The following KIF26B variants were observed in gnomAD, a reference collection of about 807,000 sequenced individuals.
KIF26B encodes the protein kinesin-like protein KIF26B.
A neutral mutation model predicts 151.2 loss-of-function variants in KIF26B; 63 were observed. The observed-to-expected ratio is 0.42, with a 90% confidence interval of 0.34 to 0.51. KIF26B has a LOEUF of 0.51. KIF26B is among the 20% of genes least tolerant of loss of function. KIF26B has a pLI of 0.07. For missense variants in KIF26B, 2,813 were observed against 2,913.6 expected, an observed-to-expected ratio of 0.97 and a Z score of 0.79; for synonymous variants, 1,357 against 1,262.1, an observed-to-expected ratio of 1.08 and a Z score of -1.59.
chr1:245,553,897 TGTGA>T (rs1461964820), intron 5 of KIF26B, among the ~76,000 whole-genome samples: 4 of 152,194 alleles, frequency 2.6e-5, no homozygotes, highest in African/African-American at 7.2e-5. Flanking sequence ...AGAGATGTGC[TGTGA>T]GTATTTATCG....
At chr1:245,372,568 A>G (rs1251103054) in intron 3 of KIF26B, among the ~76,000 whole-genome samples, 1 of 152,104 alleles carries the variant, frequency 6.6e-6, no homozygotes, top group Non-Finnish European at 1.5e-5. Context: ...TCGTCTTTGT[A>G]GCCATGTGTT....
chr1:245,225,801 A>T (rs1291294488), intron 2 of KIF26B, among the ~76,000 whole-genome samples: 1 of 152,198 alleles, frequency 6.6e-6, no homozygotes, highest in African/African-American at 2.4e-5. Context: ...AGTGCTTGGG[A>T]TAAAAAGGCC....
Position 245,687,607 on chromosome 1 carries a change from C to A in KIF26B, c.4624C>A (p.Gln1542Lys). The change falls in exon 12 of 15, where the codon CAG becomes AAG. Residue 1542 changes from glutamine to lysine, a missense_variant. Physicochemically the swap from Gln to Lys is moderately conservative, Grantham distance 53. This residue lies in a region of KIF26B where 2,060 missense variants were observed against 2,088.6 expected (regional missense o/e 0.99). Transcript: ENST00000407071. The surrounding 1 kb of genome is among the most constrained non-coding windows in gnomAD (Gnocchi z 4.9). ...GTCCAGCAGCCTTCCCAGGGCCTTT[C>A]AGAAGGCCAGCCGGCAGGAGGAGCC... ...VKSSSLPRAF[Q>K]KASRQEEPDS... 6.4e-7 allele frequency: 1 copy of A among 1,563,512 alleles called. No individual in the cohort carries two copies. Among genetic ancestry groups the A allele is most frequent in the Non-Finnish European group, 8.7e-7 (1 of 1,154,334 alleles).
chr1:245,279,030 G>A (rs1670988260), intron 2 of KIF26B, among the ~76,000 whole-genome samples: 1 of 152,172 alleles, frequency 6.6e-6, no homozygotes, highest in Non-Finnish European at 1.5e-5. Flanking sequence ...CTGATAGCCA[G>A]TTCCTTACGA....
At chr1:245,395,672 A>G (rs1673818037) in intron 3 of KIF26B, among the ~76,000 whole-genome samples, 1 of 152,142 alleles carries the variant, frequency 6.6e-6, no homozygotes, top group African/African-American at 2.4e-5. Context: ...AATCTTAACC[A>G]GCATGCTTCT....
intron 4 of KIF26B, among the ~76,000 whole-genome samples, chr1:245,476,628 C>T (rs896431525): frequency 7.9e-5 from 12 of 151,508 alleles, no homozygotes; most frequent in Admixed American, 1.3e-4. Flanking sequence ...CTTGACCTCC[C>T]GGGCTCAAGT....
chr1:245,508,052 C>T (rs1660759496), intron 4 of KIF26B, among the ~76,000 whole-genome samples: 2 of 152,118 alleles, frequency 1.3e-5, no homozygotes, highest in East Asian at 1.9e-4. Flanking sequence ...AAGAGCAAGT[C>T]GTTCAGCTTT....
intron 4 of KIF26B, 122 bp downstream of exon 4, chr1:245,419,867 A>G: frequency 1.1e-6 from 1 of 931,582 alleles, no homozygotes; most frequent in Non-Finnish European, 1.6e-6. Flanking sequence ...GTCATTCATT[A>G]AGACAGAGTT....
intron 6 of KIF26B, among the ~76,000 whole-genome samples, chr1:245,604,239 T>G (rs2043426421): frequency 1.3e-5 from 2 of 152,212 alleles, no homozygotes; most frequent in East Asian, 3.8e-4. Flanking sequence ...TAATAATCTA[T>G]AGCAGAACCT....
In KIF26B at chr1:245,571,986, C is replaced by T. The variant is rs116749100; in HGVS notation, c.1351-30591C>T. Among the ~76,000 whole-genome samples the T allele has an allele frequency of 3.9e-3, 592 of 152,296 alleles. 9 individuals are homozygous for T. The highest frequency in any genetic ancestry group is 0.014 in the African/African-American group (575 of 41,576). On this transcript the variant is annotated intron_variant, in intron 5 of 14. Transcript: ENST00000407071. ...TCTGCCTTGATTGAGACAAGATGAG[C>T]GTGCTGCTGGCCTTAGCAATGGGGG...
In KIF26B at chr1:245,409,746, G is replaced by A. The variant is rs190122576; in HGVS notation, c.1000-9833G>A. On this transcript the variant is annotated intron_variant, in intron 3 of 14. Coordinates refer to ENST00000407071, the MANE Select transcript of KIF26B (RefSeq NM_018012.4). ...CTGGGGGTGCTGGACAGCACAGAGA[G>A]GAGTTTATCTGTCTGACTCAAGGCC... 1.1e-4 allele frequency among the ~76,000 whole-genome samples: 16 copies of A among 152,252 alleles called. 1 individual carries two copies. The East Asian group carries it at 3.1e-3, about 30-fold the overall frequency.
intron 2 of KIF26B, among the ~76,000 whole-genome samples, chr1:245,270,062 A>G (rs762577330): frequency 6.6e-6 from 1 of 152,208 alleles, no homozygotes; most frequent in Non-Finnish European, 1.5e-5. Context: ...TCTCATCAAC[A>G]GTGAACAAGG....
In KIF26B at chr1:245,684,383, AAAG is replaced by A. The variant is rs775910853; in HGVS notation, c.2414_2416del (p.Lys805del). ...CATCGAGAGTCTTGAGGATGAAGAA[AAAG>A]AAGACGAAGGTAAGGAGCTCGCGGG... On this transcript the variant is annotated inframe_deletion, in exon 11 of 15. Transcript: ENST00000407071. The A allele has an allele frequency of 4.3e-6, 7 of 1,609,978 alleles. No homozygotes were observed. Among genetic ancestry groups the A allele is most frequent in the Non-Finnish European group, 5.1e-6 (6 of 1,177,564 alleles).
Position 245,600,241 on chromosome 1 carries a change from T to C in KIF26B, c.1351-2336T>C, listed in dbSNP as rs1249457017. ...TTTTAGTAGAGACGGGGTTTCACCG[T>C]GTTAGCCAGGATGGTCTCTATCTCC... On this transcript the variant is annotated intron_variant, in intron 5 of 14. Transcript: ENST00000407071. Among the ~76,000 whole-genome samples the C allele has an allele frequency of 1.6e-5, 2 of 126,880 alleles. 1 individual carries two copies. Among genetic ancestry groups the C allele is most frequent in the Non-Finnish European group, 3.5e-5 (2 of 57,308 alleles). The allele number at this position is 126,880 out of a possible 152,430, so 83.2% of individuals were successfully genotyped here.
intron 6 of KIF26B, among the ~76,000 whole-genome samples, chr1:245,605,815 G>A (rs1001410102): frequency 6.6e-6 from 1 of 152,134 alleles, no homozygotes; most frequent in Non-Finnish European, 1.5e-5. Flanking sequence ...ACTGTGCCAG[G>A]GGATGCCGCC....
chr1:245,286,012 AAAAGG>A, intron 2 of KIF26B, among the ~76,000 whole-genome samples: 3 of 151,170 alleles, frequency 2.0e-5, no homozygotes, highest in South Asian at 4.2e-4. Context: ...AAAAAAAAAA[AAAAGG>A]AAAAGAAAAA....
At chr1:245,681,746 A>G (rs969823839) in intron 10 of KIF26B, among the ~76,000 whole-genome samples, 1 of 152,218 alleles carries the variant, frequency 6.6e-6, no homozygotes, top group Non-Finnish European at 1.5e-5. Context: ...GAAATGTACA[A>G]TCATGTTACC....
intron 4 of KIF26B, among the ~76,000 whole-genome samples, chr1:245,491,705 C>T (rs185496388): frequency 3.3e-5 from 5 of 152,186 alleles, no homozygotes; most frequent in Admixed American, 2.6e-4. Flanking sequence ...GTCAGGAGCT[C>T]GACACCAGCC....
intron 2 of KIF26B, among the ~76,000 whole-genome samples, chr1:245,190,641 T>TTTG (rs1553333014): frequency 2.0e-5 from 3 of 148,730 alleles, no homozygotes; most frequent in African/African-American, 7.6e-5. Context: ...TTTGTTTTGT[T>TTTG]TTTTTTTTTT....
Sources: gnomAD v4.1 joint callset for allele counts (sites outside exome capture counted in the v4.1 genomes callset) on GRCh38, gnomAD v4.1.1 for gene constraint, gnomAD v4.1.1 regional missense constraint, Gnocchi (gnomAD v3.1) non-coding constraint, MANE v1.5 for transcripts, NCBI Gene and HGNC (gene_info 2026-07-23, HGNC 2026-07-21) for gene names.